ADAMTS20: variants seen among roughly 807,000 people sequenced by gnomAD.
ADAMTS20 encodes the protein A disintegrin and metalloproteinase with thrombospondin motifs 20.
In ADAMTS20, 225 loss-of-function variants were observed where a neutral mutation model predicts 260.1. That is an observed-to-expected ratio of 0.87 (90% confidence interval 0.78 to 0.97). ADAMTS20 has a LOEUF of 0.97. ADAMTS20 is among the 50% of genes least tolerant of loss of function. The probability of loss-of-function intolerance (pLI) is 0.00; values close to 1 mark genes in which losing one functional copy is unlikely to be tolerated. For missense variants in ADAMTS20, 2,400 were observed against 2,337.7 expected (o/e 1.03, Z -0.55); for synonymous variants, 802 against 769.5 (o/e 1.04, Z -0.70).
At chr12:43,481,156 G>C (rs1314202188) in intron 7 of ADAMTS20, among the ~76,000 whole-genome samples, 1 of 152,070 alleles carries the variant, frequency 6.6e-6, no homozygotes, top group East Asian at 1.9e-4. Context: ...ACAGGAGGTT[G>C]CACATTTTTT....
In ADAMTS20 at chr12:43,452,173, A is replaced by G. The variant is rs572606110; in HGVS notation, c.2079+101T>C. ...TTGCTTTGTTGGAATGCATAAGAAC[A>G]TATGCTGAAATAGTAAAAGTAATAT... On this transcript the variant is annotated intron_variant, in intron 14 of 38. Coordinates refer to ENST00000389420, the MANE Select transcript of ADAMTS20 (RefSeq NM_025003.5). 4 of 1,248,586 alleles carry G rather than the reference A, an allele frequency of 3.2e-6. No individual in the cohort carries two copies. The South Asian group carries it at 4.9e-5, about 15-fold the overall frequency. The allele number at this position is 1,248,586 out of a possible 1,614,324, so 77.3% of individuals were successfully genotyped here. A position where few individuals can be genotyped will look rare whatever the true frequency, so the allele number is the denominator to read the frequency against.
chr12:43,475,630 T>G (rs1942339217), intron 7 of ADAMTS20, among the ~76,000 whole-genome samples: 1 of 151,964 alleles, frequency 6.6e-6, no homozygotes, highest in Non-Finnish European at 1.5e-5. Flanking sequence ...CGCATGGTAC[T>G]GGTACCAAAA....
At chr12:43,374,452 G>A (rs1347900955) in intron 36 of ADAMTS20, among the ~76,000 whole-genome samples, 3 of 152,054 alleles carry the variant, frequency 2.0e-5, no homozygotes, top group African/African-American at 7.2e-5. Context: ...GCCTGCATTT[G>A]CCAGGTGCAT....
rs757636065 is a variant in ADAMTS20 at position 43,377,537 on chromosome 12, T to C, written c.4823A>G (p.Tyr1608Cys). ...SQCANNCGFSYRQRITYCTEI... is the reference protein window; with the variant it reads ...SQCANNCGFSCRQRITYCTEI... ...GGTGCAATATGTAATCCTTTGTCTGTAACTAAATCCACAGTTGTTTGCACA... is the reference window on the plus strand; with the variant it reads ...GGTGCAATATGTAATCCTTTGTCTGCAACTAAATCCACAGTTGTTTGCACA... Residue 1608 changes from tyrosine to cysteine, a missense_variant, in exon 32 of 39, where the codon TAC becomes TGC. Tyr to Cys is a radical substitution (Grantham distance 194). Transcript: ENST00000389420. 6.2e-7 allele frequency: 1 copy of C among 1,612,822 alleles called. No individual in the cohort carries two copies. Among genetic ancestry groups the C allele is most frequent in the South Asian group, 1.1e-5 (1 of 90,872 alleles).
At chr12:43,501,147 C>T (rs1942753827) in intron 4 of ADAMTS20, among the ~76,000 whole-genome samples, 1 of 149,884 alleles carries the variant, frequency 6.7e-6, no homozygotes, top group South Asian at 2.1e-4. Flanking sequence ...CAACCTCTGC[C>T]TCCCGGGTTC....
intron 6 of ADAMTS20, 151 bp downstream of exon 6, chr12:43,492,354 T>C (rs1942613024): frequency 4.3e-6 from 4 of 926,004 alleles, no homozygotes; most frequent in Non-Finnish European, 6.1e-6. Flanking sequence ...CACTCCACCC[T>C]GGGCGACAGA....
At chr12:43,428,902 G>C (rs932958134) in intron 24 of ADAMTS20, 103 bp from the exon 25 acceptor site, 7 of 1,127,706 alleles carry the variant, frequency 6.2e-6, no homozygotes, top group Non-Finnish European at 8.4e-6. Context: ...CCAGTTTCTT[G>C]AGAAATTTTA....
intron 37 of ADAMTS20, among the ~76,000 whole-genome samples, chr12:43,361,142 T>A (rs1297925003): frequency 6.6e-6 from 1 of 152,250 alleles, no homozygotes; most frequent in Non-Finnish European, 1.5e-5. Flanking sequence ...TATGTGTCCA[T>A]ACTCTTTTTT....
intron 7 of ADAMTS20, among the ~76,000 whole-genome samples, chr12:43,470,742 T>G (rs925930983): frequency 6.6e-5 from 10 of 152,144 alleles, no homozygotes; most frequent in Non-Finnish European, 1.5e-4. Context: ...TAAACGTAAA[T>G]GGAGATATAA....
intron 2 of ADAMTS20, among the ~76,000 whole-genome samples, chr12:43,534,815 A>G (rs971731400): frequency 6.6e-6 from 1 of 152,184 alleles, no homozygotes; most frequent in Non-Finnish European, 1.5e-5. Flanking sequence ...GTTACTACTG[A>G]AAAAACTCTA....
intron 29 of ADAMTS20, among the ~76,000 whole-genome samples, chr12:43,396,100 T>C (rs2137247132): frequency 6.6e-6 from 1 of 152,236 alleles, no homozygotes; most frequent in Admixed American, 6.5e-5. Flanking sequence ...ATTATTTAAT[T>C]TGCATCTAAG....
intron 2 of ADAMTS20, among the ~76,000 whole-genome samples, chr12:43,540,746 A>G (rs275625): frequency 0.32 from 49,226 of 152,088 alleles, 9,195 homozygotes; most frequent in Non-Finnish European, 0.42. Context: ...ATAAATGCCA[A>G]TCAAATTCCT....
At chr12:43,539,135 T>G (rs1459193523) in intron 2 of ADAMTS20, among the ~76,000 whole-genome samples, 1 of 151,940 alleles carries the variant, frequency 6.6e-6, no homozygotes, top group Non-Finnish European at 1.5e-5. Context: ...GTATTTTTAG[T>G]AGAGATGGGG....
At chr12:43,408,049 A>G (rs1285175762) in intron 28 of ADAMTS20, among the ~76,000 whole-genome samples, 1 of 152,220 alleles carries the variant, frequency 6.6e-6, no homozygotes, top group Non-Finnish European at 1.5e-5. Context: ...TTACAAGTAT[A>G]GGGTGACATG....
At chr12:43,439,343 T>C (rs1941614842) in intron 18 of ADAMTS20, among the ~76,000 whole-genome samples, 1 of 152,168 alleles carries the variant, frequency 6.6e-6, no homozygotes, top group African/African-American at 2.4e-5. Context: ...AGAAACTTTC[T>C]GTGGCTGTGA....
intron 12 of ADAMTS20, 52 bp downstream of exon 12, chr12:43,453,855 T>A: frequency 6.5e-7 from 1 of 1,547,920 alleles, no homozygotes. Context: ...TGATGTTTAC[T>A]TTCTGGTGCC....
At chr12:43,359,993 T>A (rs960780617) in intron 37 of ADAMTS20, among the ~76,000 whole-genome samples, 1 of 152,162 alleles carries the variant, frequency 6.6e-6, no homozygotes, top group African/African-American at 2.4e-5. Context: ...TTTGACTTTA[T>A]TAAAATTGAA....
chr12:43,372,740 G>C (rs1940133844), intron 36 of ADAMTS20, among the ~76,000 whole-genome samples: 1 of 152,202 alleles, frequency 6.6e-6, no homozygotes, highest in South Asian at 2.1e-4. Flanking sequence ...ACAAGGAGCA[G>C]GATTTGCCTT....
At chr12:43,393,601 A>C (rs1240720807) in intron 29 of ADAMTS20, among the ~76,000 whole-genome samples, 1 of 152,038 alleles carries the variant, frequency 6.6e-6, no homozygotes, top group Admixed American at 6.6e-5. Context: ...TTAATAAATA[A>C]TTATTTAAAA....
Sources: allele counts gnomAD v4.1 joint callset (sites outside exome capture counted in the v4.1 genomes callset), GRCh38; gene constraint gnomAD v4.1.1; transcripts MANE v1.5; gene names NCBI Gene and HGNC (gene_info 2026-07-23, HGNC 2026-07-21).